Variants in MIA2 observed in about 807,000 individuals in gnomAD.
MIA2 encodes the protein melanoma inhibitory activity protein 2.
A neutral mutation model predicts 167.8 loss-of-function variants in MIA2; 127 were observed. The observed-to-expected ratio is 0.76, with a 90% CI of 0.66 to 0.88. The LOEUF is 0.88. Among genes scored for constraint, MIA2 ranks in the 40% least tolerant of loss-of-function variants. The probability of loss-of-function intolerance (pLI) is 0.00; values close to 1 mark genes in which losing one functional copy is unlikely to be tolerated. For synonymous variants in MIA2, 552 were observed against 541.9 expected, an observed-to-expected ratio of 1.02 and a Z score of -0.26; for missense variants, 1,690 against 1,624.7, an observed-to-expected ratio of 1.04 and a Z score of -0.69.
intron 6 of MIA2, chr14:39,267,125 G>T: frequency 3.5e-6 from 4 of 1,138,744 alleles, no homozygotes; most frequent in Non-Finnish European, 4.3e-6. Flanking sequence ...GGCTGTCCGC[G>T]CCTCCCCGCC....
intron 17 of MIA2, among the ~76,000 whole-genome samples, chr14:39,307,528 A>C (rs563015026): frequency 2.1e-4 from 32 of 150,190 alleles, no homozygotes; most frequent in East Asian, 1.4e-3. Context: ...CAGCCTCCCA[A>C]GTAGCTGGGA....
intron 2 of MIA2, among the ~76,000 whole-genome samples, chr14:39,238,999 G>T (rs752935683): frequency 6.6e-6 from 1 of 152,050 alleles, no homozygotes; most frequent in African/African-American, 2.4e-5. Flanking sequence ...AAGGTGCTAT[G>T]ATAAGTACTT....
Position 39,348,788 on chromosome 14 carries a change from A to G in MIA2, c.3883A>G (p.Thr1295Ala). The G allele has an allele frequency of 6.2e-7, 1 of 1,614,000 alleles. No individual in the cohort carries two copies. The highest frequency in any genetic ancestry group is 8.5e-7 in the Non-Finnish European group (1 of 1,179,888). ...DSSLPAENEA[T>A]GPGFVPPPLA... Reference sequence around the variant, plus strand: ...ATCTCTCCCTGCTGAAAATGAAGCCACTGGCCCTGGCTTTGTTCCTCCACC... The same window carrying G: ...ATCTCTCCCTGCTGAAAATGAAGCCGCTGGCCCTGGCTTTGTTCCTCCACC... The change falls in exon 28 of 29, where the codon ACT becomes GCT. Residue 1295 changes from threonine (T) to alanine (A), a missense_variant. Physicochemically the swap from Thr to Ala is moderately conservative, Grantham distance 58 (BLOSUM62 0). Coordinates refer to ENST00000640607, the MANE Select transcript of MIA2 (RefSeq NM_001329214.4).
chr14:39,247,295 T>G lies in MIA2; in HGVS notation c.721T>G (p.Ser241Ala). Residue 241 changes from serine to alanine, a missense_variant, in exon 4 of 29, where the codon TCA becomes GCA. Transcript: ENST00000640607. ...GEQAEEKAFE[S>A]VIEPVQESSF... ...ACAAGCTGAAGAGAAGGCTTTTGAA[T>G]CAGTTATTGAACCTGTACAAGAAAG... The G allele has an allele frequency of 6.2e-7, 1 of 1,613,866 alleles. No individual in the cohort carries two copies. Among genetic ancestry groups the G allele is most frequent in the Non-Finnish European group, 8.5e-7 (1 of 1,179,924 alleles).
intron 6 of MIA2, among the ~76,000 whole-genome samples, chr14:39,267,980 ATTT>A (rs10700134): frequency 1.4e-5 from 2 of 144,890 alleles, no homozygotes; most frequent in African/African-American, 5.1e-5. Context: ...TTGATTCTGC[ATTT>A]TTTTTTTTTT....
intron 6 of MIA2, among the ~76,000 whole-genome samples, chr14:39,256,879 G>A (rs1336539623): frequency 6.6e-6 from 1 of 152,180 alleles, no homozygotes; most frequent in African/African-American, 2.4e-5. Context: ...AGAAATTTTA[G>A]AAAGAAAACT....
At chr14:39,301,666 G>C (rs1308470750) in intron 14 of MIA2, among the ~76,000 whole-genome samples, 1 of 152,166 alleles carries the variant, frequency 6.6e-6, no homozygotes, top group Non-Finnish European at 1.5e-5. Context: ...AACCTCTAAT[G>C]TTCCATTCAA....
chr14:39,316,214 C>T (rs932358231), intron 21 of MIA2, among the ~76,000 whole-genome samples: 1 of 152,140 alleles, frequency 6.6e-6, no homozygotes, highest in Admixed American at 6.6e-5. Flanking sequence ...TATTTGTGCT[C>T]CAGAGGAACT....
In MIA2 at chr14:39,321,062, T is replaced by C. The variant is rs1430866719; in HGVS notation, c.3496+6T>C. ...TCCAGGGGGAGGAGGAAGAGGTATA[T>C]TGTTTAAACATCTTTATTACTCTAG... On this transcript the variant is annotated splice_donor_region_variant and intron_variant, in intron 24 of 28. Coordinates refer to ENST00000640607, the MANE Select transcript of MIA2 (RefSeq NM_001329214.4). The C allele has an allele frequency of 3.7e-6, 6 of 1,608,660 alleles. No individual in the cohort carries two copies. Among genetic ancestry groups the C allele is most frequent in the Non-Finnish European group, 5.1e-6 (6 of 1,178,148 alleles).
intron 14 of MIA2, 29 bp from the exon 15 acceptor site, chr14:39,302,096 CCTCT>C (rs1566825556): frequency 1.1e-5 from 18 of 1,604,712 alleles, no homozygotes; most frequent in Non-Finnish European, 1.5e-5. Context: ...AAGGCATTAC[CCTCT>C]CTATTTTTCC....
intron 23 of MIA2, among the ~76,000 whole-genome samples, chr14:39,361,596 G>A (rs964547732): frequency 2.6e-5 from 4 of 152,024 alleles, no homozygotes; most frequent in Non-Finnish European, 5.9e-5. Context: ...GTGCCACCAC[G>A]CCTGGCTAAT....
chr14:39,283,023 T>G (rs372498373), intron 9 of MIA2, among the ~76,000 whole-genome samples: 1 of 152,230 alleles, frequency 6.6e-6, no homozygotes, highest in Non-Finnish European at 1.5e-5. Context: ...TTATTTTACT[T>G]AGCAAAATGT....
chr14:39,345,464 T>C (rs970577066), intron 25 of MIA2, among the ~76,000 whole-genome samples: 2 of 152,372 alleles, frequency 1.3e-5, no homozygotes, highest in East Asian at 3.9e-4. Context: ...ATACTCTTTC[T>C]GCTTTGATGA....
intron 13 of MIA2, among the ~76,000 whole-genome samples, chr14:39,297,163 A>C (rs2061546387): frequency 6.8e-6 from 1 of 146,284 alleles, no homozygotes; most frequent in South Asian, 2.2e-4. Context: ...GCGCTATCTC[A>C]GCTCACTATA....
intron 6 of MIA2, among the ~76,000 whole-genome samples, chr14:39,259,353 GCAGA>G (rs2054970217): frequency 7.0e-6 from 1 of 143,008 alleles, no homozygotes; most frequent in South Asian, 2.1e-4. Context: ...AGCCAAGGAG[GCAGA>G]TTTTGGACAG....
rs532384722 is a variant in MIA2 at position 39,350,372 on chromosome 14, A to G, written c.*108A>G. 1 of 534,522 alleles carries G rather than the reference A, an allele frequency of 1.9e-6. No homozygotes were observed. The highest frequency in any genetic ancestry group is 3.2e-5 in the East Asian group (1 of 31,306). The allele number at this position is 534,522 out of a possible 1,614,324, so 33.1% of individuals were successfully genotyped here. A position where few individuals can be genotyped will look rare whatever the true frequency, so the allele number is the denominator to read the frequency against. On this transcript the variant is annotated 3_prime_UTR_variant, in exon 29 of 29. Coordinates refer to ENST00000640607, the MANE Select transcript of MIA2 (RefSeq NM_001329214.4). ...TTTTGCTCAAATTGAAGCTTAATGG[A>G]ATTATAATTCTCAGGATAGTATTTT...
intron 6 of MIA2, 167 bp downstream of exon 6, chr14:39,253,338 A>T: frequency 1.1e-6 from 1 of 914,618 alleles, no homozygotes; most frequent in Non-Finnish European, 1.7e-6. Flanking sequence ...ATGTTTTGTC[A>T]AATGGATATT....
At chr14:39,316,221 A>G (rs1436668368) in intron 21 of MIA2, among the ~76,000 whole-genome samples, 1 of 152,210 alleles carries the variant, frequency 6.6e-6, no homozygotes, top group Admixed American at 6.5e-5. Flanking sequence ...GCTCCAGAGG[A>G]ACTAACTGTG....
At chr14:39,316,633 A>G (rs1240721005) in intron 21 of MIA2, among the ~76,000 whole-genome samples, 1 of 152,182 alleles carries the variant, frequency 6.6e-6, no homozygotes, top group African/African-American at 2.4e-5. Context: ...GTGAGAGATT[A>G]GGTGTGGTGA....
Sources: gnomAD v4.1 joint callset for allele counts (sites outside exome capture counted in the v4.1 genomes callset) on GRCh38, gnomAD v4.1.1 for gene constraint, MANE v1.5 for transcripts, NCBI Gene and HGNC (gene_info 2026-07-23, HGNC 2026-07-21) for gene names.